TMCC1: variants seen among roughly 807,000 people sequenced by gnomAD.
TMCC1 encodes transmembrane and coiled-coil domain family 1, also known as transmembrane and coiled-coil domains protein 1.
A neutral mutation model predicts 52.4 loss-of-function variants in TMCC1; 15 were observed. That is an observed-to-expected ratio of 0.29 (90% CI 0.19 to 0.44). The LOEUF is 0.44. Among genes scored for constraint, TMCC1 ranks in the 20% least tolerant of loss-of-function variants. TMCC1 has a pLI of 1.00. For synonymous variants in TMCC1, 279 were observed against 301.9 expected (o/e 0.92, Z 0.79); for missense variants, 503 against 806.0 (o/e 0.62, Z 4.55).
intron 2 of TMCC1, 100 bp downstream of exon 2, chr3:129,880,209 A>G (rs2061399075): frequency 6.6e-6 from 1 of 152,256 alleles, no homozygotes; most frequent in East Asian, 1.9e-4. Flanking sequence ...GAACAAGTAA[A>G]TGAATGAGAA....
chr3:129,671,141 TG>T lies in TMCC1; in HGVS notation c.699del (p.Ile234LeufsTer9). On this transcript the variant is annotated frameshift_variant, in exon 5 of 7. Coordinates refer to ENST00000393238, the MANE Select transcript of TMCC1 (RefSeq NM_001017395.5). LOFTEE classifies it high-confidence loss of function. Reference protein sequence around the residue: ...GTPDPQRTKAAIAHLQQKILK... With the variant: ...GTPDPQRTKAXIAHLQQKILK... ...AGGATCTTCTGCTGCAGGTGAGCAA[TG>T]GCAGCCTTTGTGCGCTGAGGGTCTG... 1 of 1,614,184 alleles carries T rather than the reference TG, an allele frequency of 6.2e-7. No homozygotes were observed. The highest frequency in any genetic ancestry group is 1.3e-5 in the African/African-American group (1 of 75,052).
At chr3:129,868,864 A>G (rs1329154136) in intron 2 of TMCC1, 4 of 152,214 alleles carry the variant, frequency 2.6e-5, no homozygotes, top group African/African-American at 9.6e-5. Flanking sequence ...GGAATTCAAT[A>G]CTGATATTCT....
intron 4 of TMCC1, among the ~76,000 whole-genome samples, chr3:129,817,072 T>G (rs1283100095): frequency 6.6e-6 from 1 of 151,918 alleles, no homozygotes; most frequent in East Asian, 1.9e-4. Flanking sequence ...AGGTGATAGA[T>G]ATCCCAGTTA....
rs11298293 is a variant in TMCC1 at position 129,650,278 on chromosome 3, CAAAA to C, written c.*1199_*1202del. 4.1e-4 allele frequency: 54 copies of C among 131,564 alleles called. No homozygotes were observed. Among genetic ancestry groups the C allele is most frequent in the African/African-American group, 5.8e-4 (20 of 34,732 alleles). 8.1% of individuals were successfully genotyped at this position (131,564 alleles called of 1,614,324 possible). On this transcript the variant is annotated 3_prime_UTR_variant, in exon 7 of 7. Coordinates refer to ENST00000393238, the MANE Select transcript of TMCC1 (RefSeq NM_001017395.5). ...TCACTGGGTGAACGTTTTCTTGGGG[CAAAA>C]AAAAAAAAAAAAAATCCCTATCCTA...
At chr3:129,666,623 C>T (rs909915801) in intron 5 of TMCC1, among the ~76,000 whole-genome samples, 2 of 152,010 alleles carry the variant, frequency 1.3e-5, no homozygotes, top group Admixed American at 6.6e-5. Flanking sequence ...ACCTGTAATC[C>T]CAGCTACTGG....
chr3:129,746,388 C>G (rs1245818194), intron 4 of TMCC1, among the ~76,000 whole-genome samples: 1 of 150,578 alleles, frequency 6.6e-6, no homozygotes. Flanking sequence ...ACCATGTTGG[C>G]CAGGATGGTC....
At chr3:129,838,551 G>C (rs947439496) in intron 2 of TMCC1, among the ~76,000 whole-genome samples, 1 of 151,992 alleles carries the variant, frequency 6.6e-6, no homozygotes, top group African/African-American at 2.4e-5. Flanking sequence ...TCAGGAGTTT[G>C]AGACCAGCCT....
chr3:129,798,648 C>T (rs2057003205), intron 4 of TMCC1, among the ~76,000 whole-genome samples: 2 of 151,370 alleles, frequency 1.3e-5, no homozygotes, highest in South Asian at 4.2e-4. Flanking sequence ...AGAATGTTTT[C>T]TACTAATGAA....
At chr3:129,668,775 G>A (rs1027990737) in intron 5 of TMCC1, among the ~76,000 whole-genome samples, 2 of 152,020 alleles carry the variant, frequency 1.3e-5, no homozygotes, top group East Asian at 1.9e-4. Context: ...ACAGGCATGC[G>A]CCACCATGCC....
chr3:129,888,995 G>A (rs2061844610), intron 1 of TMCC1, among the ~76,000 whole-genome samples: 1 of 152,086 alleles, frequency 6.6e-6, no homozygotes, highest in Admixed American at 6.6e-5. Context: ...ACCACGGCTG[G>A]ACACAGTGAC....
At chr3:129,784,100 G>C (rs2055770368) in intron 4 of TMCC1, among the ~76,000 whole-genome samples, 1 of 151,940 alleles carries the variant, frequency 6.6e-6, no homozygotes, top group Admixed American at 6.6e-5. Flanking sequence ...GAAGGGATGG[G>C]AAAAAGAAGA....
rs568819086 is a variant in TMCC1, at chr3:129,684,267, TAAG to T, written c.577-13006_577-13004del. 3.4e-4 allele frequency among the ~76,000 whole-genome samples: 52 copies of T among 152,350 alleles called. 1 individual carries two copies. Among genetic ancestry groups the T allele is most frequent in the Admixed American group, 3.2e-3 (49 of 15,304 alleles). ...CAATGCACACCAGTGTTAACTGAGA[TAAG>T]AAGAACATTCAGCTATTCAAAGACT... is the stretch of plus-strand genomic sequence containing the variant. On this transcript the variant is annotated intron_variant, in intron 4 of 6. Coordinates refer to ENST00000393238, the MANE Select transcript of TMCC1 (RefSeq NM_001017395.5).
chr3:129,663,115 G>A (rs2087167356), intron 5 of TMCC1, among the ~76,000 whole-genome samples: 1 of 152,192 alleles, frequency 6.6e-6, no homozygotes. Flanking sequence ...CTAGATCAGA[G>A]ATGAGCCAGG....
chr3:129,647,912 C>T lies in TMCC1; in HGVS notation c.*3569G>A, dbSNP rs1420088825. On this transcript the variant is annotated 3_prime_UTR_variant, in exon 7 of 7. Transcript: ENST00000393238. ...CAACAATTAGCAGCTTAAGATCTATCAACTACAGTGTTAACGTTCACACGT... is the reference window on the plus strand; with the variant it reads ...CAACAATTAGCAGCTTAAGATCTATTAACTACAGTGTTAACGTTCACACGT... 1 of 152,640 alleles carries T rather than the reference C, an allele frequency of 6.6e-6. No homozygotes were observed. The highest frequency in any genetic ancestry group is 2.4e-5 in the African/African-American group (1 of 41,464). The allele number at this position is 152,640 out of a possible 1,614,324, so 9.5% of individuals were successfully genotyped here. A position where few individuals can be genotyped will look rare whatever the true frequency, so the allele number is the denominator to read the frequency against.
In TMCC1 at chr3:129,855,324, G is replaced by A. The variant is rs539648457; in HGVS notation, c.-183-22498C>T. 2.6e-5 allele frequency among the ~76,000 whole-genome samples: 4 copies of A among 151,930 alleles called. 1 individual carries two copies. In the South Asian group the frequency reaches 8.3e-4, roughly 32 times the overall value. ...CTCATTGAGTTTTTCTTAATACCTC[G>A]TTTTCTTAATACTTCATGTCAAGTC... On this transcript the variant is annotated intron_variant, in intron 2 of 6. Transcript: ENST00000393238.
At chr3:129,737,466 C>A (rs1392221559) in intron 4 of TMCC1, among the ~76,000 whole-genome samples, 2 of 151,306 alleles carry the variant, frequency 1.3e-5, no homozygotes, top group African/African-American at 4.9e-5. Context: ...GGCAACACAG[C>A]AAGCCTCCAT....
intron 4 of TMCC1, among the ~76,000 whole-genome samples, chr3:129,811,151 T>C (rs914245091): frequency 6.6e-6 from 1 of 152,222 alleles, no homozygotes; most frequent in Admixed American, 6.5e-5. Context: ...ATGGGGAAGG[T>C]TATATTGATC....
intron 4 of TMCC1, among the ~76,000 whole-genome samples, chr3:129,764,821 A>G (rs2107688024): frequency 2.8e-5 from 2 of 70,480 alleles, no homozygotes; most frequent in East Asian, 5.4e-4. Flanking sequence ...TTTTTTTTTG[A>G]GATGGGGTCT....
At chr3:129,797,114 A>AAAAAAAACACGTATTTCATAATATCTCG (rs2056881098) in intron 4 of TMCC1, among the ~76,000 whole-genome samples, 1 of 151,964 alleles carries the variant, frequency 6.6e-6, no homozygotes, top group African/African-American at 2.4e-5. Context: ...TCACGAGGTC[A>AAAAAAAACACGTATTTCATAATATCTCG]GGAGATCGAG....
Sources: gnomAD v4.1 joint callset for allele counts (sites outside exome capture counted in the v4.1 genomes callset) on GRCh38, gnomAD v4.1.1 for gene constraint, MANE v1.5 for transcripts, NCBI Gene and HGNC (gene_info 2026-07-23, HGNC 2026-07-21) for gene names.